The following NCKAP5 variants were observed in gnomAD, a reference collection of about 807,000 sequenced individuals.
NCKAP5 encodes the protein nck-associated protein 5.
In NCKAP5, 92 loss-of-function variants were observed where a neutral mutation model predicts 167.0. That is an observed-to-expected ratio of 0.55 (90% CI 0.47 to 0.66). The LOEUF (loss-of-function observed/expected upper bound fraction) is 0.66. NCKAP5 is among the 30% of genes least tolerant of loss of function. NCKAP5 has a pLI of 0.00. For missense variants in NCKAP5, 2,378 were observed against 2,315.0 expected, an observed-to-expected ratio of 1.03 and a Z score of -0.56; for synonymous variants, 891 against 877.4, an observed-to-expected ratio of 1.02 and a Z score of -0.27.
chr2:133,673,606 T>C, the NCKAP5 span, among the ~76,000 whole-genome samples: 1 of 152,220 alleles, frequency 6.6e-6, no homozygotes, highest in African/African-American at 2.4e-5. Flanking sequence ...AAGGTTTCTT[T>C]CATTGACTCA....
rs1287673020 is a variant in NCKAP5, at chr2:132,672,946, C to T, written c.*343G>A. 7 of 708,786 alleles carry T rather than the reference C, an allele frequency of 9.9e-6. No homozygotes were observed. The highest frequency in any genetic ancestry group is 1.2e-5 in the Non-Finnish European group (7 of 577,228). The allele number at this position is 708,786 out of a possible 1,614,324, so 43.9% of individuals were successfully genotyped here. ...TGCAATAGTTTATTGTTATCTCTAT[C>T]AAGCGGTGCACCCCCCACCCCCCAC... On this transcript the variant is annotated 3_prime_UTR_variant, in exon 20 of 20. Transcript: ENST00000409261.
At chr2:133,654,213 C>G in the NCKAP5 span, among the ~76,000 whole-genome samples, 1 of 151,986 alleles carries the variant, frequency 6.6e-6, no homozygotes, top group African/African-American at 2.4e-5. Flanking sequence ...GAAACCCCAT[C>G]TCTACTAAAA....
chr2:132,715,609 C>T (rs1689292552), intron 19 of NCKAP5, among the ~76,000 whole-genome samples: 1 of 152,096 alleles, frequency 6.6e-6, no homozygotes, highest in Non-Finnish European at 1.5e-5. Context: ...GAGACAGAGC[C>T]GAAATACTAA....
intron 8 of NCKAP5, among the ~76,000 whole-genome samples, chr2:132,942,420 G>A (rs971408800): frequency 6.6e-6 from 1 of 152,132 alleles, no homozygotes; most frequent in Admixed American, 6.5e-5. Context: ...AGGTGATGTC[G>A]ACACTACTGG....
At chr2:132,737,222 A>G (rs905610575) in intron 16 of NCKAP5, among the ~76,000 whole-genome samples, 1 of 152,224 alleles carries the variant, frequency 6.6e-6, no homozygotes, top group Non-Finnish European at 1.5e-5. Flanking sequence ...ACCCATTCAG[A>G]GCAGTCTACA....
intron 5 of NCKAP5, among the ~76,000 whole-genome samples, chr2:133,153,380 G>A (rs970198209): frequency 6.6e-6 from 1 of 152,036 alleles, no homozygotes; most frequent in African/African-American, 2.4e-5. Flanking sequence ...AACTGTGTTG[G>A]GGGTGAGAGT....
the NCKAP5 span, among the ~76,000 whole-genome samples, chr2:133,617,191 A>G: frequency 4.7e-4 from 71 of 152,210 alleles, no homozygotes; most frequent in African/African-American, 1.4e-3. Flanking sequence ...TCCACAGCCA[A>G]TATCATACTG....
At chr2:133,162,591 C>T (rs1305432342) in intron 5 of NCKAP5, among the ~76,000 whole-genome samples, 1 of 152,108 alleles carries the variant, frequency 6.6e-6, no homozygotes, top group African/African-American at 2.4e-5. Context: ...CCCTTGAGAC[C>T]GTCACCTATT....
At chr2:133,407,735 A>G (rs564029892) in intron 3 of NCKAP5, among the ~76,000 whole-genome samples, 1 of 152,322 alleles carries the variant, frequency 6.6e-6, no homozygotes, top group East Asian at 1.9e-4. Context: ...TACAACAAAA[A>G]CACGATCATT....
chr2:133,528,874 A>G (rs1411774555), intron 2 of NCKAP5, among the ~76,000 whole-genome samples: 1 of 152,176 alleles, frequency 6.6e-6, no homozygotes, highest in Admixed American at 6.5e-5. Context: ...GCTTCCAGTG[A>G]CAAATGGGTC....
chr2:132,890,018 C>T (rs1477949680), intron 8 of NCKAP5, among the ~76,000 whole-genome samples: 1 of 152,182 alleles, frequency 6.6e-6, no homozygotes. Context: ...CTCCCTGTGG[C>T]TTTCCCACGG....
chr2:133,203,134 C>A (rs896611806), intron 5 of NCKAP5, among the ~76,000 whole-genome samples: 7 of 152,092 alleles, frequency 4.6e-5, no homozygotes, highest in African/African-American at 1.7e-4. Flanking sequence ...AGACTTGGAA[C>A]CAACCCAAAT....
At chr2:132,703,058 G>A (rs1411834937) in intron 19 of NCKAP5, among the ~76,000 whole-genome samples, 1 of 152,074 alleles carries the variant, frequency 6.6e-6, no homozygotes, top group Admixed American at 6.6e-5. Flanking sequence ...GTATGTGCCT[G>A]CAGTCCTAGC....
At chr2:132,712,962 T>G (rs1689005114) in intron 19 of NCKAP5, among the ~76,000 whole-genome samples, 1 of 152,120 alleles carries the variant, frequency 6.6e-6, no homozygotes, top group South Asian at 2.1e-4. Flanking sequence ...TGAATGATGG[T>G]ACAGCCACAC....
chr2:132,835,634 T>C (rs942290472), intron 11 of NCKAP5, among the ~76,000 whole-genome samples: 5 of 152,116 alleles, frequency 3.3e-5, no homozygotes, highest in African/African-American at 9.7e-5. Flanking sequence ...TTCACTTTCC[T>C]GCCTTTAATG....
chr2:132,844,923 G>A (rs1688554542), intron 11 of NCKAP5, among the ~76,000 whole-genome samples: 1 of 152,090 alleles, frequency 6.6e-6, no homozygotes, highest in African/African-American at 2.4e-5. Flanking sequence ...GTATGAGATT[G>A]TTTTTCTCCA....
intron 3 of NCKAP5, among the ~76,000 whole-genome samples, chr2:133,435,757 A>T (rs1690433703): frequency 6.6e-6 from 1 of 152,060 alleles, no homozygotes; most frequent in Non-Finnish European, 1.5e-5. Context: ...GGCATATTGG[A>T]CAGGGAAGGC....
At chr2:133,199,745 CATA>C (rs1276392482) in intron 5 of NCKAP5, among the ~76,000 whole-genome samples, 2 of 151,916 alleles carry the variant, frequency 1.3e-5, no homozygotes, top group Admixed American at 1.3e-4. Context: ...AATATATGCC[CATA>C]ATAATGACTT....
At chr2:132,736,624 C>T (rs1475461871) in intron 16 of NCKAP5, among the ~76,000 whole-genome samples, 2 of 140,852 alleles carry the variant, frequency 1.4e-5, no homozygotes, top group African/African-American at 2.6e-5. Context: ...ACTAAAAATA[C>T]AAAAAAAAAA....
Sources: gnomAD v4.1 joint callset for allele counts (sites outside exome capture counted in the v4.1 genomes callset) on GRCh38, gnomAD v4.1.1 for gene constraint, MANE v1.5 for transcripts, NCBI Gene and HGNC (gene_info 2026-07-23, HGNC 2026-07-21) for gene names.